The following TGIF1 variants were observed in gnomAD, a reference collection of about 807,000 sequenced individuals.
TGIF1 encodes the protein TGFB induced factor homeobox 1, also known as homeobox protein TGIF1.
In TGIF1, 4 loss-of-function variants were observed where a neutral mutation model predicts 19.3. That is an observed-to-expected ratio of 0.21 (90% confidence interval 0.10 to 0.47). The LOEUF (loss-of-function observed/expected upper bound fraction) is 0.47, where lower values mean the gene tolerates loss of function less well. Among genes scored for constraint, TGIF1 ranks in the 20% least tolerant of loss-of-function variants. TGIF1 has a pLI of 0.98. For missense variants in TGIF1, 275 were observed against 341.4 expected, an observed-to-expected ratio of 0.81 and a Z score of 1.53; for synonymous variants, 122 against 129.3, an observed-to-expected ratio of 0.94 and a Z score of 0.38.
intron 2 of TGIF1, among the ~76,000 whole-genome samples, chr18:3,443,281 T>C (rs927101944): frequency 3.9e-5 from 6 of 152,154 alleles, no homozygotes; most frequent in Non-Finnish European, 5.9e-5. Context: ...ACTAAGAAAA[T>C]AAATGAAAAA....
intron 1 of TGIF1, among the ~76,000 whole-genome samples, chr18:3,452,710 G>C (rs1238682503): frequency 1.3e-5 from 2 of 152,160 alleles, no homozygotes; most frequent in Admixed American, 1.3e-4. Context: ...AAAACTACCT[G>C]GGAGGGGGGA....
At chr18:3,450,641 T>C (rs1290277796) in intron 1 of TGIF1, 136 bp downstream of exon 1, 3 of 1,512,898 alleles carry the variant, frequency 2.0e-6, no homozygotes, top group African/African-American at 2.8e-5. Context: ...CCGTGCTCTT[T>C]GTTGAGGCTG....
intron 2 of TGIF1, among the ~76,000 whole-genome samples, chr18:3,423,963 G>C (rs2082438949): frequency 6.6e-6 from 1 of 152,184 alleles, no homozygotes; most frequent in Non-Finnish European, 1.5e-5. Context: ...TTAAACTAAA[G>C]AGGGCAGCCA....
chr18:3,443,931 T>A (rs994884159), intron 2 of TGIF1, among the ~76,000 whole-genome samples: 1 of 151,612 alleles, frequency 6.6e-6, no homozygotes, highest in African/African-American at 2.4e-5. Flanking sequence ...ATGATTGTAT[T>A]CTTTCTTTTT....
intron 2 of TGIF1, among the ~76,000 whole-genome samples, chr18:3,423,504 C>A (rs1398895885): frequency 6.6e-6 from 1 of 151,974 alleles, no homozygotes; most frequent in Non-Finnish European, 1.5e-5. Context: ...ACGGCGAAAC[C>A]CCGTCTCTAC....
upstream of TGIF1, chr18:3,449,527 T>C: frequency 1.0e-6 from 1 of 985,442 alleles, no homozygotes; most frequent in Non-Finnish European, 1.2e-6. Flanking sequence ...GTTTAGGCTG[T>C]GTCTCATCAT....
intron 2 of TGIF1, among the ~76,000 whole-genome samples, chr18:3,433,492 A>G (rs936519562): frequency 6.6e-6 from 1 of 152,246 alleles, no homozygotes; most frequent in South Asian, 2.1e-4. Flanking sequence ...TGCTAAGTGA[A>G]ATAAGCCAGA....
rs1390293418 is a variant in TGIF1, at chr18:3,458,166, G to T, written c.*226G>T. The stretch of plus-strand genomic sequence containing the variant: ...TTTCTTTTTTAAATGTTTCTTGGTA[G>T]ATTATTCATAATGTGAGATGGTTCC... On this transcript the variant is annotated 3_prime_UTR_variant, in exon 3 of 3. Coordinates refer to ENST00000343820, the MANE Select transcript of TGIF1 (RefSeq NM_003244.4). 5.8e-6 allele frequency: 3 copies of T among 521,410 alleles called. No homozygotes were observed. Among genetic ancestry groups the T allele is most frequent in the Non-Finnish European group, 3.4e-6 (1 of 298,008 alleles). 32.3% of individuals were successfully genotyped at this position (521,410 alleles called of 1,614,324 possible). A position where few individuals can be genotyped will look rare whatever the true frequency, so the allele number is the denominator to read the frequency against.
At chr18:3,441,372 A>G (rs953562836) in intron 2 of TGIF1, among the ~76,000 whole-genome samples, 16 of 152,264 alleles carry the variant, frequency 1.1e-4, no homozygotes, top group Admixed American at 2.0e-4. Flanking sequence ...AAGATCATAC[A>G]TTTACTCATG....
Position 3,456,246 on chromosome 18 carries a change from T to C in TGIF1, c.17-108T>C. 9.2e-7 allele frequency: 1 copy of C among 1,083,582 alleles called. No homozygotes were observed. Among genetic ancestry groups the C allele is most frequent in the Non-Finnish European group, 1.4e-6 (1 of 700,332 alleles). 67.1% of individuals were successfully genotyped at this position (1,083,582 alleles called of 1,614,324 possible). A position where few individuals can be genotyped will look rare whatever the true frequency, so the allele number is the denominator to read the frequency against. On this transcript the variant is annotated intron_variant, in intron 1 of 2. Coordinates refer to ENST00000343820, the MANE Select transcript of TGIF1 (RefSeq NM_003244.4). The surrounding 1 kb of genome is among the most constrained non-coding windows in gnomAD (Gnocchi z 4.2). ...AAAACACTGCTCCTTCTCCTCGCTCTCAGTTGTTGGGAAAGCATGGTTACA... is the reference window on the plus strand; with the variant it reads ...AAAACACTGCTCCTTCTCCTCGCTCCCAGTTGTTGGGAAAGCATGGTTACA...
chr18:3,446,344 C>T (rs762182821), upstream of TGIF1, among the ~76,000 whole-genome samples: 17 of 152,098 alleles, frequency 1.1e-4, no homozygotes, highest in Non-Finnish European at 2.2e-4. Flanking sequence ...CCACCACGCC[C>T]GGCTAATTTT....
At chr18:3,446,807 C>G (rs747021201), upstream of TGIF1, among the ~76,000 whole-genome samples, 24 of 152,120 alleles carry the variant, frequency 1.6e-4, no homozygotes, top group Non-Finnish European at 2.9e-4. Context: ...GTGTTTAGAG[C>G]CTAGCTGTCT....
At chr18:3,437,262 A>G (rs962008015) in intron 2 of TGIF1, among the ~76,000 whole-genome samples, 1 of 152,140 alleles carries the variant, frequency 6.6e-6, no homozygotes, top group East Asian at 1.9e-4. Context: ...GAGGTGTGCG[A>G]GCATGGGGGA....
At chr18:3,449,320 G>GCCT (rs1568044648), upstream of TGIF1, 1 of 922,880 alleles carries the variant, frequency 1.1e-6, no homozygotes, top group Non-Finnish European at 1.3e-6. Flanking sequence ...CTATAAAAGT[G>GCCT]GCCGCTGCCG....
chr18:3,449,674 A>C (rs2082837847), upstream of TGIF1: 9 of 985,330 alleles, frequency 9.1e-6, no homozygotes, highest in Non-Finnish European at 9.6e-6. Context: ...CTTGTCTCGA[A>C]TACTTTTCCT....
Position 3,435,493 on chromosome 18 carries a change from C to T in TGIF1, c.-45+17278C>T, listed in dbSNP as rs190079639. Reference sequence around the variant, plus strand: ...GATTACAGGTGTGAGCCACCGCTCCCGGCCTTAAAACCCTATTAACCAGAC... The same window carrying T: ...GATTACAGGTGTGAGCCACCGCTCCTGGCCTTAAAACCCTATTAACCAGAC... On this transcript the variant is annotated intron_variant, in intron 2 of 3. Transcript: ENST00000401449. Among the ~76,000 whole-genome samples, 889 of 152,252 alleles carry T rather than the reference C, an allele frequency of 5.8e-3. 4 individuals are homozygous for T. The highest frequency in any genetic ancestry group is 8.5e-3 in the Admixed American group (130 of 15,284).
rs147094724 is a variant in TGIF1, at chr18:3,417,442, G to A, written c.-117-701G>A. Among the ~76,000 whole-genome samples the A allele has an allele frequency of 6.2e-3, 951 of 152,320 alleles. 14 individuals are homozygous for A. The highest frequency in any genetic ancestry group is 0.022 in the African/African-American group (904 of 41,570). ...CCCAAAGTGCTGGGATTACAGGCAT[G>A]AGCCACCGTGCCTACCCTGTTTGTT... is the stretch of plus-strand genomic sequence containing the variant. On this transcript the variant is annotated intron_variant, in intron 1 of 3. Transcript: ENST00000401449.
At chr18:3,413,519 G>A (rs1334279023) in intron 1 of TGIF1, among the ~76,000 whole-genome samples, 15 of 152,080 alleles carry the variant, frequency 9.9e-5, no homozygotes. Context: ...AGTAGATTTT[G>A]GAGTTCTCTT....
chr18:3,450,533 A>T, intron 1 of TGIF1, 28 bp downstream of exon 1: 1 of 1,557,392 alleles, frequency 6.4e-7, no homozygotes. Flanking sequence ...TGCGCGCACC[A>T]GAAGACGCGA....
Sources: gnomAD v4.1 joint callset for allele counts (sites outside exome capture counted in the v4.1 genomes callset) on GRCh38, gnomAD v4.1.1 for gene constraint, Gnocchi (gnomAD v3.1) non-coding constraint, MANE v1.5 for transcripts, NCBI Gene and HGNC (gene_info 2026-07-23, HGNC 2026-07-21) for gene names.